Variants in MCM3AP observed in about 807,000 individuals in gnomAD.
MCM3AP encodes the protein minichromosome maintenance complex component 3 associated protein, also known as germinal-center associated nuclear protein.
MCM3AP carries 126 observed loss-of-function variants against 184.1 expected under a neutral mutation model. The observed-to-expected ratio is 0.68, with a 90% CI of 0.59 to 0.79. MCM3AP has a LOEUF of 0.79. Ranked by LOEUF, MCM3AP falls within the 30% of genes least tolerant of loss-of-function variation. The pLI, the probability that MCM3AP is intolerant of heterozygous loss-of-function variation, is 0.00. For missense variants in MCM3AP, 2,496 were observed against 2,479.2 expected (o/e 1.01, Z -0.14); for synonymous variants, 1,002 against 979.3 (o/e 1.02, Z -0.43).
At chr21:46,266,899 G>A (rs1361463217) in intron 10 of MCM3AP, 83 bp downstream of exon 10, 2 of 1,459,952 alleles carry the variant, frequency 1.4e-6, no homozygotes, top group Non-Finnish European at 1.9e-6. Context: ...AGTCAGGCAA[G>A]CAGCCAGCCC....
chr21:46,238,987 C>G (rs985799612), intron 26 of MCM3AP, among the ~76,000 whole-genome samples: 1 of 152,132 alleles, frequency 6.6e-6, no homozygotes, highest in Non-Finnish European at 1.5e-5. Flanking sequence ...ACAAGAAGGT[C>G]GGAGATGGGC....
chr21:46,245,109 C>T lies in MCM3AP; in HGVS notation c.4736G>A (p.Gly1579Glu), dbSNP rs141495802. 1.1e-4 allele frequency: 179 copies of T among 1,614,106 alleles called. 1 individual carries two copies. Among genetic ancestry groups the T allele is most frequent in the South Asian group, 1.4e-4 (13 of 91,092 alleles). ...CQTLIQYVED[G>E]IGHEFSGRFF... ...GCGGCCACTAAACTCATGGCCAATC[C>T]CGTCTTCGACGTACTGAATGAGAGT... The change falls in exon 23 of 28, where the codon GGG (glycine) becomes GAG (glutamate). Residue 1579 changes from glycine (G) to glutamate (E), a missense_variant. This residue lies in a region of MCM3AP where 1,323 missense variants were observed against 1,273.4 expected (regional missense o/e 1.04). Coordinates refer to ENST00000291688, the MANE Select transcript of MCM3AP (RefSeq NM_003906.5).
In MCM3AP at chr21:46,251,593, A is replaced by C. The variant is rs1443026386; in HGVS notation, c.4226T>G (p.Leu1409Arg). The change falls in exon 20 of 28, where the codon CTT (leucine) becomes CGT (arginine). Residue 1409 changes from leucine to arginine, a missense_variant. This residue lies in a region of MCM3AP where 1,323 missense variants were observed against 1,273.4 expected (regional missense o/e 1.04). Transcript: ENST00000291688. Reference protein sequence around the residue: ...TSSDAGGIQTLSLFNSLSSKG... With the variant: ...TSSDAGGIQTRSLFNSLSSKG... ...GCTGCTAAGTGAGTTGAAAAGCGAA[A>C]GCGTCTGAATCCCACCAGCATCGCT... The C allele has an allele frequency of 6.2e-7, 1 of 1,613,004 alleles. No individual in the cohort carries two copies. The highest frequency in any genetic ancestry group is 8.5e-7 in the Non-Finnish European group (1 of 1,179,078).
chr21:46,243,693 C>G lies in MCM3AP; in HGVS notation c.5068G>C (p.Val1690Leu). The stretch of plus-strand genomic sequence containing the variant: ...CTGGGGATCTGGGAGGCGTACTGGA[C>G]AACCATGGAGCACACGGGGAGCCAG... Reference protein sequence around the residue: ...APWLPVCSMVVQYASQIPSSR... With the variant: ...APWLPVCSMVLQYASQIPSSR... The change falls in exon 24 of 28, where the codon GTC becomes CTC. Residue 1690 changes from valine (V) to leucine (L), a missense_variant. Physicochemically the swap from Val to Leu is conservative, Grantham distance 32. Transcript: ENST00000291688. The G allele has an allele frequency of 6.2e-7, 1 of 1,614,136 alleles. No homozygotes were observed. Among genetic ancestry groups the G allele is most frequent in the Non-Finnish European group, 8.5e-7 (1 of 1,180,032 alleles).
intron 8 of MCM3AP, among the ~76,000 whole-genome samples, chr21:46,270,968 G>A (rs1019706433): frequency 1.3e-5 from 2 of 152,172 alleles, no homozygotes; most frequent in African/African-American, 4.8e-5. Flanking sequence ...AAGCAATTTA[G>A]GAATCAGTTA....
At chr21:46,236,588 C>T (rs192459628) in intron 27 of MCM3AP, among the ~76,000 whole-genome samples, 92 of 152,316 alleles carry the variant, frequency 6.0e-4, no homozygotes, top group Non-Finnish European at 1.1e-3. Context: ...AGTTACAGGT[C>T]TTATTCAGTT....
intron 26 of MCM3AP, among the ~76,000 whole-genome samples, chr21:46,240,563 T>TA (rs1407002266): frequency 6.6e-6 from 1 of 152,182 alleles, no homozygotes; most frequent in Non-Finnish European, 1.5e-5. Flanking sequence ...CAGAAAAACT[T>TA]AACACTGACT....
chr21:46,242,927 C>A lies in MCM3AP; in HGVS notation c.5301G>T (p.Ala1767=), dbSNP rs776369705. 5 of 1,605,158 alleles carry A rather than the reference C, an allele frequency of 3.1e-6. No individual in the cohort carries two copies. Among genetic ancestry groups the A allele is most frequent in the East Asian group, 2.2e-5 (1 of 44,646 alleles). ...TPPRLPVTSE[A]LSEDGQICVY... is the part of the protein sequence containing the mutation. ...CACATATCTGACCATCTTCACTCAG[C>A]GCCTCTGAGAAAACAATACAAAAAC... Residue 1767 remains alanine, a synonymous_variant, in exon 25 of 28, where the codon GCG becomes GCT. Transcript: ENST00000291688.
intron 22 of MCM3AP, among the ~76,000 whole-genome samples, chr21:46,245,773 C>T (rs2080756280): frequency 6.6e-6 from 1 of 152,112 alleles, no homozygotes; most frequent in Non-Finnish European, 1.5e-5. Flanking sequence ...GCAGAGACTA[C>T]AGGTGCGAGG....
intron 23 of MCM3AP, 54 bp downstream of exon 23, chr21:46,244,753 A>G: frequency 6.5e-7 from 1 of 1,541,502 alleles, no homozygotes; most frequent in Non-Finnish European, 8.7e-7. Context: ...GTGAGAAGGA[A>G]GCCTGAGACT....
At chr21:46,257,634 G>C (rs1173601920) in intron 16 of MCM3AP, among the ~76,000 whole-genome samples, 1 of 151,014 alleles carries the variant, frequency 6.6e-6, no homozygotes, top group Non-Finnish European at 1.5e-5. Context: ...GCTAAAAAGA[G>C]CTACGTCCAG....
chr21:46,239,650 A>C (rs1439734061), intron 26 of MCM3AP, among the ~76,000 whole-genome samples: 1 of 152,236 alleles, frequency 6.6e-6, no homozygotes, highest in African/African-American at 2.4e-5. Flanking sequence ...ATTTCAAGGA[A>C]GCAGTAGCAT....
Position 46,246,752 on chromosome 21 carries a change from G to A in MCM3AP, c.4425C>T (p.Tyr1475=), listed in dbSNP as rs1383162384. 1.9e-6 allele frequency: 3 copies of A among 1,614,260 alleles called. No individual in the cohort carries two copies. The East Asian group carries it at 6.7e-5, about 36-fold the overall frequency. The change falls in exon 21 of 28, where the codon TAC becomes TAT. Residue 1475 remains tyrosine, a synonymous_variant. Coordinates refer to ENST00000291688, the MANE Select transcript of MCM3AP (RefSeq NM_003906.5). ...TGAGCTGCAGCAAGGCCGACAGCCA[G>A]TACACGTCCTCCTCTGCCATGTCCT... The part of the protein sequence containing the change: ...KSEDMAEEDV[Y]WLSALLQLKQ...
chr21:46,270,897 T>C (rs2081170868), intron 8 of MCM3AP, among the ~76,000 whole-genome samples: 1 of 152,190 alleles, frequency 6.6e-6, no homozygotes, highest in Non-Finnish European at 1.5e-5. Flanking sequence ...ACTACCACGC[T>C]TGGATTGGTT....
At chr21:46,257,088 A>G (rs2080965224) in intron 16 of MCM3AP, 102 bp from the exon 17 acceptor site, 1 of 1,469,032 alleles carries the variant, frequency 6.8e-7, no homozygotes. Context: ...AGGACATCAA[A>G]TGAGTGTGGT....
Position 46,279,841 on chromosome 21 carries a change from G to A in MCM3AP, c.1667+152C>T. On this transcript the variant is annotated intron_variant, in intron 4 of 27. Coordinates refer to ENST00000291688, the MANE Select transcript of MCM3AP (RefSeq NM_003906.5). ...ACGGCCCATGCTGGCAGGAGGGGCA[G>A]AGCCCCTGCCCCTCCACCCCCAACC... 6.0e-6 allele frequency: 4 copies of A among 670,942 alleles called. No homozygotes were observed. The South Asian group carries it at 7.5e-5, about 13-fold the overall frequency. The allele number at this position is 670,942 out of a possible 1,614,324, so 41.6% of individuals were successfully genotyped here. A position where few individuals can be genotyped will look rare whatever the true frequency, so the allele number is the denominator to read the frequency against.
intron 4 of MCM3AP, among the ~76,000 whole-genome samples, chr21:46,278,832 C>T (rs1198774016): frequency 1.3e-5 from 2 of 151,888 alleles, no homozygotes; most frequent in East Asian, 3.9e-4. Context: ...TGCCACCATG[C>T]CCGGCTAATT....
intron 20 of MCM3AP, chr21:46,247,192 A>T (rs888715281): frequency 1.0e-5 from 3 of 292,912 alleles, no homozygotes; most frequent in Non-Finnish European, 1.9e-5. Flanking sequence ...GGGCTCGAGC[A>T]GTCCTCCTGG....
chr21:46,243,313 T>A (rs762770184), intron 24 of MCM3AP, 152 bp downstream of exon 24: 45 of 954,640 alleles, frequency 4.7e-5, no homozygotes, highest in Non-Finnish European at 6.6e-5. Context: ...TCAATGTTTT[T>A]AAGTCACTCA....
Sources: gnomAD v4.1 joint callset for allele counts (sites outside exome capture counted in the v4.1 genomes callset) on GRCh38, gnomAD v4.1.1 for gene constraint, gnomAD v4.1.1 regional missense constraint, MANE v1.5 for transcripts, NCBI Gene and HGNC (gene_info 2026-07-23, HGNC 2026-07-21) for gene names.